Variants in LRIG1 observed in about 807,000 individuals in gnomAD.
The protein encoded by LRIG1 is leucine rich repeats and immunoglobulin like domains 1, also known as leucine-rich repeats and immunoglobulin-like domains protein 1.
A neutral mutation model predicts 99.2 loss-of-function variants in LRIG1; 48 were observed. That is an observed-to-expected ratio of 0.48 (90% CI 0.38 to 0.62). The LOEUF is 0.62. Among genes scored for constraint, LRIG1 ranks in the 20% least tolerant of loss-of-function variants. The pLI, the probability that LRIG1 is intolerant of heterozygous loss-of-function variation, is 0.00. For missense variants in LRIG1, 1,646 were observed against 1,434.4 expected (o/e 1.15, Z -2.38); for synonymous variants, 772 against 596.1 (o/e 1.29, Z -4.30).
intron 3 of LRIG1, among the ~76,000 whole-genome samples, chr3:66,442,072 G>T (rs147812618): frequency 6.6e-6 from 1 of 152,296 alleles, no homozygotes; most frequent in East Asian, 1.9e-4. Context: ...ATACAAGATT[G>T]CTGATGTCTG....
chr3:66,390,080 T>C (rs1274081344), intron 12 of LRIG1, among the ~76,000 whole-genome samples: 1 of 152,130 alleles, frequency 6.6e-6, no homozygotes, highest in African/African-American at 2.4e-5. Context: ...ACCAAAACTC[T>C]CACAAATTCA....
chr3:66,499,925 C>A (rs1471516949), intron 1 of LRIG1, among the ~76,000 whole-genome samples: 2 of 150,306 alleles, frequency 1.3e-5, no homozygotes, highest in Non-Finnish European at 1.5e-5. Flanking sequence ...ACCCCCAAAT[C>A]TCTACGACCC....
At chr3:66,417,443 G>C (rs970716157) in intron 3 of LRIG1, 177 bp from the exon 4 acceptor site, 11 of 652,716 alleles carry the variant, frequency 1.7e-5, no homozygotes, top group Non-Finnish European at 2.8e-5. Flanking sequence ...GATGCTAGGA[G>C]AATATTGGAT....
chr3:66,432,450 G>C (rs1000969669), intron 3 of LRIG1, among the ~76,000 whole-genome samples: 10 of 152,192 alleles, frequency 6.6e-5, no homozygotes, highest in African/African-American at 2.2e-4. Flanking sequence ...ATAATGGCAG[G>C]AACAGTGGGA....
chr3:66,462,492 T>G lies in LRIG1; in HGVS notation c.236A>C (p.Lys79Thr), dbSNP rs763008467. The change falls in exon 2 of 19, where the codon AAA becomes ACA. Residue 79 changes from lysine (K) to threonine (T), a missense_variant. By Grantham distance (78) the Lys-to-Thr change is moderately conservative (BLOSUM62 -1). Coordinates refer to ENST00000273261, the MANE Select transcript of LRIG1 (RefSeq NM_015541.3). The stretch of plus-strand genomic sequence containing the variant: ...ACCAGCAGGGTCAATCTCAGAGAGT[T>G]TGTTGTAACTCAGGTTTCTGGTAAA... Reference protein sequence around the residue: ...WTRSLNLSYNKLSEIDPAGFE... With the variant: ...WTRSLNLSYNTLSEIDPAGFE... 1 of 1,612,092 alleles carries G rather than the reference T, an allele frequency of 6.2e-7. No individual in the cohort carries two copies. Among genetic ancestry groups the G allele is most frequent in the Non-Finnish European group, 8.5e-7 (1 of 1,179,016 alleles).
Position 66,382,335 on chromosome 3 carries a change from C to A in LRIG1, c.2555G>T (p.Arg852Leu), listed in dbSNP as rs148076317. The change falls in exon 16 of 19, where the codon CGA becomes CTA. Residue 852 changes from arginine (R) to leucine (L), a missense_variant. Physicochemically the swap from Arg to Leu is moderately radical, Grantham distance 102. Transcript: ENST00000273261. ...CTCGGTCCTGACCACGGTTTCTTGT[C>A]GGTCAGAAAGGGTCCCCTGAGAAGA... Reference protein sequence around the residue: ...YLSSQGTLSDRQETVVRTEGG... With the variant: ...YLSSQGTLSDLQETVVRTEGG... 6.2e-7 allele frequency: 1 copy of A among 1,614,172 alleles called. No homozygotes were observed. Among genetic ancestry groups the A allele is most frequent in the African/African-American group, 1.3e-5 (1 of 75,044 alleles).
intron 3 of LRIG1, among the ~76,000 whole-genome samples, chr3:66,451,082 C>T (rs756589452): frequency 5.3e-5 from 8 of 152,146 alleles, no homozygotes; most frequent in Non-Finnish European, 1.0e-4. Context: ...TCTTATCTAA[C>T]ACTTGACCAT....
At chr3:66,417,017 G>T in intron 4 of LRIG1, 112 bp downstream of exon 4, 1 of 1,415,272 alleles carries the variant, frequency 7.1e-7, no homozygotes, top group Non-Finnish European at 9.8e-7. Flanking sequence ...GCCCAGCCGT[G>T]GTTGAGAAGG....
At position 66,383,277 on chromosome 3, in the gene LRIG1, C is replaced by T. The variant is rs145404890; in HGVS notation, c.2196G>A (p.Pro732=). ...AGTGGTGCCGCTCAGTGAGGCTCAG[C>T]GGGCGGTCCCCCTTGAACCAGGTGA... ...PRITWFKGDR[P]LSLTERHHLT... Residue 732 remains proline, a synonymous_variant, in exon 15 of 19, where the codon CCG becomes CCA. Transcript: ENST00000273261. The T allele has an allele frequency of 3.5e-5, 56 of 1,613,712 alleles. No individual in the cohort carries two copies. The highest frequency in any genetic ancestry group is 1.7e-4 in the African/African-American group (13 of 74,952).
Position 66,398,039 on chromosome 3 carries a change from T to C in LRIG1, c.1304+73A>G, listed in dbSNP as rs912632325. The C allele has an allele frequency of 1.8e-5, 22 of 1,209,350 alleles. 1 individual carries two copies. The Admixed American group carries it at 3.1e-4, about 17-fold the overall frequency. The allele number at this position is 1,209,350 out of a possible 1,614,324, so 74.9% of individuals were successfully genotyped here. A position where few individuals can be genotyped will look rare whatever the true frequency, so the allele number is the denominator to read the frequency against. ...GTGAACTTTTAACAAGTGAGCATAA[T>C]GCAATTGCAGAAGTTTCTTACTCTG... On this transcript the variant is annotated intron_variant, in intron 11 of 18. Transcript: ENST00000273261.
At chr3:66,381,435 T>C (rs1332127005) in intron 17 of LRIG1, 44 bp downstream of exon 17, 2 of 1,592,080 alleles carry the variant, frequency 1.3e-6, no homozygotes, top group Non-Finnish European at 1.7e-6. Flanking sequence ...AGCCCAAATT[T>C]CCATTTCAGA....
intron 2 of LRIG1, among the ~76,000 whole-genome samples, chr3:66,453,847 C>T (rs979309313): frequency 6.6e-5 from 10 of 152,224 alleles, no homozygotes; most frequent in Admixed American, 3.9e-4. Context: ...GACTTCTCTG[C>T]AGGGGGCTAC....
intron 6 of LRIG1, among the ~76,000 whole-genome samples, chr3:66,412,607 G>A (rs1364069331): frequency 1.3e-5 from 2 of 152,240 alleles, no homozygotes; most frequent in Non-Finnish European, 2.9e-5. Flanking sequence ...CTGAAGTCTT[G>A]AAGAATCCTT....
chr3:66,496,794 T>C (rs1701237708), intron 1 of LRIG1, among the ~76,000 whole-genome samples: 1 of 152,226 alleles, frequency 6.6e-6, no homozygotes, highest in African/African-American at 2.4e-5. Context: ...ATCTGCACTT[T>C]AAACTTAATT....
intron 1 of LRIG1, among the ~76,000 whole-genome samples, chr3:66,493,909 AAG>A (rs1053686030): frequency 2.6e-5 from 4 of 151,798 alleles, no homozygotes; most frequent in African/African-American, 7.3e-5. Flanking sequence ...GAAAAAAAGA[AAG>A]AAGGGAGGAG....
At chr3:66,395,269 A>C (rs1024691375) in intron 11 of LRIG1, among the ~76,000 whole-genome samples, 1 of 152,212 alleles carries the variant, frequency 6.6e-6, no homozygotes, top group Non-Finnish European at 1.5e-5. Context: ...ATGCAGGCCA[A>C]GAGCACGACT....
rs1701327679 is a variant in LRIG1, at chr3:66,500,292, G to T, written c.116C>A (p.Ala39Glu). 6.8e-7 allele frequency: 1 copy of T among 1,472,236 alleles called. No individual in the cohort carries two copies. The highest frequency in any genetic ancestry group is 9.0e-7 in the Non-Finnish European group (1 of 1,117,158). The allele number at this position is 1,472,236 out of a possible 1,614,324, so 91.2% of individuals were successfully genotyped here. The change falls in exon 1 of 19, where the codon GCG becomes GAG. Residue 39 changes from alanine (A) to glutamate (E), a missense_variant. By Grantham distance (107) the Ala-to-Glu change is moderately radical. Transcript: ENST00000273261. ...GCAAGTGCAGGCGGCCGCGCAGGGC[G>T]CCCGCGGGCCGGCCGCGGCGGTCAC... ...EPVTAAAGPR[A>E]PCAAACTCAG...
chr3:66,464,584 G>A (rs1559812485), intron 1 of LRIG1, among the ~76,000 whole-genome samples: 1 of 151,498 alleles, frequency 6.6e-6, no homozygotes, highest in Non-Finnish European at 1.5e-5. Flanking sequence ...TTTTGCCTCT[G>A]ATCTGGGCCA....
At chr3:66,408,683 G>A (rs75840430) in intron 7 of LRIG1, among the ~76,000 whole-genome samples, 35 of 152,148 alleles carry the variant, frequency 2.3e-4, no homozygotes, top group African/African-American at 6.0e-4. Flanking sequence ...CACACCTCCC[G>A]GCCCTGACCA....
Sources: gnomAD v4.1 joint callset for allele counts (sites outside exome capture counted in the v4.1 genomes callset) on GRCh38, gnomAD v4.1.1 for gene constraint, MANE v1.5 for transcripts, NCBI Gene and HGNC (gene_info 2026-07-23, HGNC 2026-07-21) for gene names.